NCOA1: variants seen among roughly 807,000 people sequenced by gnomAD.
NCOA1 encodes Hin-2 protein.
NCOA1 carries 35 observed loss-of-function variants against 150.9 expected under a neutral mutation model. The ratio of observed to expected loss-of-function variants is 0.23; its 90% CI spans 0.18 to 0.31. The LOEUF (loss-of-function observed/expected upper bound fraction) is 0.31. Among genes scored for constraint, NCOA1 ranks in the 10% least tolerant of loss-of-function variants. The probability of loss-of-function intolerance (pLI) is 1.00; values close to 1 mark genes in which losing one functional copy is unlikely to be tolerated. For synonymous variants in NCOA1, 590 were observed against 630.0 expected (o/e 0.94, Z 0.95); for missense variants, 1,491 against 1,749.3 (o/e 0.85, Z 2.63).
chr2:24,550,111 A>G (rs907073301), intron 1 of NCOA1, among the ~76,000 whole-genome samples: 2 of 152,210 alleles, frequency 1.3e-5, no homozygotes, highest in Non-Finnish European at 2.9e-5. Flanking sequence ...CCTTATCATT[A>G]TCAGCATTTT....
At chr2:24,502,362 T>C (rs931250245) in intron 1 of NCOA1, among the ~76,000 whole-genome samples, 3 of 152,210 alleles carry the variant, frequency 2.0e-5, no homozygotes, top group Admixed American at 6.5e-5. Context: ...ACATTCTAGT[T>C]CAGGCTTAAT....
At chr2:24,757,901 A>G in intron 20 of NCOA1, 72 bp from the exon 21 acceptor site, 11 of 1,458,590 alleles carry the variant, frequency 7.5e-6, no homozygotes, top group Non-Finnish European at 1.0e-5. Context: ...TTTTATTTGG[A>G]AACAGAATCT....
At chr2:24,544,631 A>G (rs1048082928) in intron 1 of NCOA1, among the ~76,000 whole-genome samples, 4 of 152,112 alleles carry the variant, frequency 2.6e-5, no homozygotes, top group Non-Finnish European at 4.4e-5. Flanking sequence ...AGTCCCAGCT[A>G]GGGCAGCTGG....
chr2:24,706,154 CT>C (rs1284588712), intron 12 of NCOA1, among the ~76,000 whole-genome samples: 2 of 151,890 alleles, frequency 1.3e-5, no homozygotes, highest in Non-Finnish European at 2.9e-5. Context: ...TAAATAAGTG[CT>C]TTATAAACAG....
At chr2:24,566,828 C>T (rs117397941) in intron 2 of NCOA1, among the ~76,000 whole-genome samples, 1,741 of 152,328 alleles carry the variant, frequency 0.011, 16 homozygotes, top group Non-Finnish European at 0.016. Flanking sequence ...AACTTTGCTC[C>T]GAGATTGGAG....
At chr2:24,602,883 C>G (rs980338267) in intron 3 of NCOA1, among the ~76,000 whole-genome samples, 1 of 152,204 alleles carries the variant, frequency 6.6e-6, no homozygotes, top group African/African-American at 2.4e-5. Flanking sequence ...TCTTCCTGCA[C>G]TGTTCCCCAG....
chr2:24,578,073 A>G (rs1025042502), intron 2 of NCOA1, among the ~76,000 whole-genome samples: 1 of 152,118 alleles, frequency 6.6e-6, no homozygotes, highest in Non-Finnish European at 1.5e-5. Context: ...TTGCTTGGCT[A>G]CTGGCAAATT....
intron 2 of NCOA1, among the ~76,000 whole-genome samples, chr2:24,579,259 C>A (rs1667106447): frequency 6.6e-6 from 1 of 151,964 alleles, no homozygotes; most frequent in African/African-American, 2.4e-5. Flanking sequence ...AGTGCTACTC[C>A]AGGAAGAGGG....
At chr2:24,721,981 CTTGAG>C (rs574408873) in intron 14 of NCOA1, among the ~76,000 whole-genome samples, 234 of 151,794 alleles carry the variant, frequency 1.5e-3, no homozygotes, top group Middle Eastern at 6.8e-3. Context: ...TTTTTTCTTT[CTTGAG>C]TTATTTCAGT....
At position 24,763,802 on chromosome 2, in the gene NCOA1, A is replaced by T. The variant is rs893468302; in HGVS notation, c.4155+1026A>T. On this transcript the variant is annotated intron_variant, in intron 22 of 22. Transcript: ENST00000348332. ...TGCCCGGCTAATTTTTCGTCTTTTC[A>T]GTAGAGACAGGTTTTCGCCATTTTG... is the stretch of plus-strand genomic sequence containing the variant. Among the ~76,000 whole-genome samples the T allele has an allele frequency of 2.0e-5, 3 of 151,612 alleles. No homozygotes were observed. The East Asian group carries it at 5.9e-4, about 30-fold the overall frequency.
Position 24,729,613 on chromosome 2 carries a change from C to G in NCOA1, c.2999C>G (p.Pro1000Arg). The change falls in exon 17 of 23, where the codon CCT (proline) becomes CGT (arginine). Residue 1000 changes from proline to arginine, a missense_variant. Coordinates refer to ENST00000348332, the MANE Select transcript of NCOA1 (RefSeq NM_003743.5). ...LYSQPYSSPS[P>R]TANLPSPFQG... is the part of the protein sequence containing the mutation. ...TCCCAGCCTTACTCTTCTCCTTCTC[C>G]TACTGCCAATCTCCCTAGCCCTTTC... is the stretch of plus-strand genomic sequence containing the variant. 2 of 1,614,196 alleles carry G rather than the reference C, an allele frequency of 1.2e-6. No individual in the cohort carries two copies. The highest frequency in any genetic ancestry group is 1.7e-6 in the Non-Finnish European group (2 of 1,180,026).
intron 1 of NCOA1, among the ~76,000 whole-genome samples, chr2:24,559,450 A>G (rs959555222): frequency 6.6e-6 from 1 of 152,186 alleles, no homozygotes; most frequent in Non-Finnish European, 1.5e-5. Context: ...GCATAGAAGT[A>G]CCAATATTTC....
chr2:24,523,605 CAAAAAA>C (rs979559677), intron 1 of NCOA1, among the ~76,000 whole-genome samples: 217 of 17,696 alleles, frequency 0.012, 3 homozygotes, highest in South Asian at 0.024. Context: ...GACTCCGTCT[CAAAAAA>C]AAAAAAAAAA....
chr2:24,643,929 C>T (rs1293481958), intron 3 of NCOA1, 37 bp from the exon 4 acceptor site: 1 of 151,962 alleles, frequency 6.6e-6, no homozygotes, highest in Non-Finnish European at 1.5e-5. Flanking sequence ...GGCAATCTAA[C>T]GTCCCTTCTG....
chr2:24,671,204 A>C (rs1200017494), intron 6 of NCOA1, among the ~76,000 whole-genome samples: 2 of 152,260 alleles, frequency 1.3e-5, no homozygotes, highest in Non-Finnish European at 2.9e-5. Context: ...TGAATGAATC[A>C]AACCTACATG....
At chr2:24,683,818 C>A (rs1672284885) in intron 8 of NCOA1, among the ~76,000 whole-genome samples, 1 of 152,148 alleles carries the variant, frequency 6.6e-6, no homozygotes, top group Non-Finnish European at 1.5e-5. Flanking sequence ...ACCTTTACAT[C>A]TGAGTGGGGG....
intron 3 of NCOA1, among the ~76,000 whole-genome samples, chr2:24,590,699 A>G (rs1245986192): frequency 6.6e-6 from 1 of 152,040 alleles, no homozygotes; most frequent in Non-Finnish European, 1.5e-5. Flanking sequence ...AGAATTCCTC[A>G]TATTTGTGTT....
intron 1 of NCOA1, among the ~76,000 whole-genome samples, chr2:24,501,346 A>G (rs1167160485): frequency 6.6e-6 from 1 of 152,238 alleles, no homozygotes; most frequent in Non-Finnish European, 1.5e-5. Flanking sequence ...TCAAGTTGTT[A>G]TATTACAAAG....
chr2:24,606,679 A>T (rs934413627), intron 3 of NCOA1, among the ~76,000 whole-genome samples: 2 of 152,210 alleles, frequency 1.3e-5, no homozygotes, highest in Non-Finnish European at 2.9e-5. Context: ...TAGTTTGGAT[A>T]GTGAGAAATA....
Sources: gnomAD v4.1 joint callset for allele counts (sites outside exome capture counted in the v4.1 genomes callset) on GRCh38, gnomAD v4.1.1 for gene constraint, MANE v1.5 for transcripts, NCBI Gene and HGNC (gene_info 2026-07-23, HGNC 2026-07-21) for gene names.